NALF1: variants seen among roughly 807,000 people sequenced by gnomAD.
NALF1 encodes NALCN channel auxiliary factor 1.
A neutral mutation model predicts 48.4 loss-of-function variants in NALF1; 3 were observed. The ratio of observed to expected loss-of-function variants is 0.06; its 90% CI spans 0.03 to 0.16. The LOEUF (loss-of-function observed/expected upper bound fraction) is 0.16. Ranked by LOEUF, NALF1 falls within the 10% of genes least tolerant of loss-of-function variation. The pLI, the probability that NALF1 is intolerant of heterozygous loss-of-function variation, is 1.00. For missense variants in NALF1, 526 were observed against 571.5 expected, an observed-to-expected ratio of 0.92 and a Z score of 0.81; for synonymous variants, 262 against 245.7, an observed-to-expected ratio of 1.07 and a Z score of -0.62.
chr13:107,498,235 T>C (rs558854861), intron 1 of NALF1, among the ~76,000 whole-genome samples: 2 of 152,190 alleles, frequency 1.3e-5, no homozygotes, highest in East Asian at 1.9e-4. Flanking sequence ...ATTAATCACA[T>C]GGCAAAAAAA....
At chr13:107,375,782 T>C (rs1355793775) in intron 1 of NALF1, among the ~76,000 whole-genome samples, 1 of 152,102 alleles carries the variant, frequency 6.6e-6, no homozygotes, top group Non-Finnish European at 1.5e-5. Context: ...GAAAAGAATG[T>C]TCTAGAGAGG....
chr13:107,444,923 T>A (rs564180783), intron 1 of NALF1, among the ~76,000 whole-genome samples: 9 of 152,344 alleles, frequency 5.9e-5, no homozygotes, highest in Admixed American at 1.3e-4. Context: ...CAGAAATTTT[T>A]TTTATATTTT....
At position 107,781,969 on chromosome 13, in the gene NALF1, T is replaced by G. The variant is rs752390658; in HGVS notation, c.915+83713A>C. Reference sequence around the variant, plus strand: ...ATTATTGCTTAGTTGGTGATAAAAATTGTAAGGAAAGGCTAAGTTACACTT... The same window carrying G: ...ATTATTGCTTAGTTGGTGATAAAAAGTGTAAGGAAAGGCTAAGTTACACTT... On this transcript the variant is annotated intron_variant, in intron 1 of 2. Coordinates refer to ENST00000375915, the MANE Select transcript of NALF1 (RefSeq NM_001080396.3). Among the ~76,000 whole-genome samples, 4 of 152,204 alleles carry G rather than the reference T, an allele frequency of 2.6e-5. No homozygotes were observed. The East Asian group carries it at 7.7e-4, about 29-fold the overall frequency.
chr13:107,704,080 C>G (rs2138513676), intron 1 of NALF1, among the ~76,000 whole-genome samples: 1 of 152,186 alleles, frequency 6.6e-6, no homozygotes, highest in South Asian at 2.1e-4. Flanking sequence ...CAGTGCTGTT[C>G]TCAATGCATG....
chr13:107,483,324 AC>A (rs1885282056), intron 1 of NALF1, among the ~76,000 whole-genome samples: 2 of 152,164 alleles, frequency 1.3e-5, no homozygotes, highest in African/African-American at 4.8e-5. Flanking sequence ...ATATCTGAAA[AC>A]TAGAAGTATA....
intron 1 of NALF1, among the ~76,000 whole-genome samples, chr13:107,386,035 A>C (rs1325118748): frequency 6.6e-6 from 1 of 152,196 alleles, no homozygotes; most frequent in African/African-American, 2.4e-5. Flanking sequence ...TAAAAACCAG[A>C]TACTTACCAA....
intron 1 of NALF1, among the ~76,000 whole-genome samples, chr13:107,372,186 C>T (rs1313195698): frequency 6.6e-6 from 1 of 152,218 alleles, no homozygotes; most frequent in Admixed American, 6.5e-5. Flanking sequence ...GTCTTTCAGA[C>T]TCACACAATT....
chr13:107,648,757 A>G (rs1056865743), intron 1 of NALF1, among the ~76,000 whole-genome samples: 1 of 152,158 alleles, frequency 6.6e-6, no homozygotes, highest in Non-Finnish European at 1.5e-5. Context: ...GAAACTCTCA[A>G]ATCATATTTC....
chr13:107,382,754 C>T (rs971335899), intron 1 of NALF1, among the ~76,000 whole-genome samples: 2 of 152,208 alleles, frequency 1.3e-5, no homozygotes, highest in African/African-American at 4.8e-5. Context: ...AAATGCCCCC[C>T]ACTTAACCAA....
intron 1 of NALF1, among the ~76,000 whole-genome samples, chr13:107,590,841 C>G (rs577387640): frequency 3.0e-4 from 46 of 152,050 alleles, no homozygotes; most frequent in African/African-American, 1.1e-3. Context: ...CCTGCTCAAT[C>G]ATCATCCCCC....
chr13:107,494,304 G>C (rs142370875), intron 1 of NALF1, among the ~76,000 whole-genome samples: 51 of 152,314 alleles, frequency 3.3e-4, no homozygotes, highest in African/African-American at 1.1e-3. Context: ...AGAAGGGTTA[G>C]TTGTGTAATT....
chr13:107,824,339 A>G (rs1879449189), intron 1 of NALF1, among the ~76,000 whole-genome samples: 1 of 152,170 alleles, frequency 6.6e-6, no homozygotes, highest in South Asian at 2.1e-4. Flanking sequence ...GCCCCTGCAA[A>G]AAGTATTTGT....
At chr13:107,196,278 T>C (rs960060155) in intron 2 of NALF1, among the ~76,000 whole-genome samples, 9 of 152,140 alleles carry the variant, frequency 5.9e-5, no homozygotes, top group Non-Finnish European at 1.2e-4. Flanking sequence ...AACAAACCCA[T>C]GCATGTACCC....
At position 107,368,898 on chromosome 13, in the gene NALF1, C is replaced by T. The variant is rs182566320; in HGVS notation, c.916-158143G>A. ...GTGTACATTTTAACTTCACCTCCTA[C>T]AATGCCCATCCCCTCAGTGCATCAT... On this transcript the variant is annotated intron_variant, in intron 1 of 2. Coordinates refer to ENST00000375915, the MANE Select transcript of NALF1 (RefSeq NM_001080396.3). 1.2e-3 allele frequency among the ~76,000 whole-genome samples: 180 copies of T among 152,338 alleles called. 1 individual carries two copies. Among genetic ancestry groups the T allele is most frequent in the Non-Finnish European group, 1.5e-3 (105 of 68,038 alleles).
chr13:107,196,358 T>A (rs1173952901), intron 2 of NALF1, among the ~76,000 whole-genome samples: 1 of 152,148 alleles, frequency 6.6e-6, no homozygotes, highest in African/African-American at 2.4e-5. Context: ...AAGCTAGTAA[T>A]GAGAAAGTTA....
intron 1 of NALF1, among the ~76,000 whole-genome samples, chr13:107,585,756 A>C (rs1224912458): frequency 6.6e-6 from 1 of 152,070 alleles, no homozygotes; most frequent in Non-Finnish European, 1.5e-5. Flanking sequence ...ACAACAAAAC[A>C]TCACTCTTTG....
At chr13:107,302,342 A>T (rs1184065364) in intron 1 of NALF1, among the ~76,000 whole-genome samples, 5 of 152,212 alleles carry the variant, frequency 3.3e-5, no homozygotes, top group Admixed American at 3.3e-4. Flanking sequence ...AGCAACAGAA[A>T]ACAGACTAAG....
intron 1 of NALF1, among the ~76,000 whole-genome samples, chr13:107,465,197 AT>A (rs1351850455): frequency 1.3e-5 from 2 of 151,870 alleles, no homozygotes; most frequent in East Asian, 1.9e-4. Context: ...TTCAATTTAG[AT>A]TTTTTTAATA....
rs867560423 is a variant in NALF1 at position 107,865,956 on chromosome 13, G to A, written c.641C>T (p.Pro214Leu). Residue 214 changes from proline (P) to leucine (L), a missense_variant, in exon 1 of 3, where the codon CCG becomes CTG. Around this residue, in one of 2 missense-constraint regions of NALF1, gnomAD observed 373 missense variants for 355.5 expected, o/e 1.05. Transcript: ENST00000375915. ...GQEVRSKHPT[P>L]LWNLSDFYLS... ...GTAAAAATCCGACAAGTTCCAGAGC[G>A]GAGTGGGATGCTTGCTCCTCACCTC... 1 of 1,613,584 alleles carries A rather than the reference G, an allele frequency of 6.2e-7. No homozygotes were observed. Among genetic ancestry groups the A allele is most frequent in the Non-Finnish European group, 8.5e-7 (1 of 1,179,922 alleles).
Sources: gnomAD v4.1 joint callset for allele counts (sites outside exome capture counted in the v4.1 genomes callset) on GRCh38, gnomAD v4.1.1 for gene constraint, gnomAD v4.1.1 regional missense constraint, MANE v1.5 for transcripts, NCBI Gene and HGNC (gene_info 2026-07-23, HGNC 2026-07-21) for gene names.